Variants in CTNNA3 observed in about 807,000 individuals in gnomAD.
CTNNA3 encodes the protein catenin alpha 3.
Under a neutral mutation model 95.7 loss-of-function variants are expected in CTNNA3, and 76 were observed. That is an observed-to-expected ratio of 0.79 (90% confidence interval 0.66 to 0.96). The LOEUF (loss-of-function observed/expected upper bound fraction) is 0.96. CTNNA3 is among the 40% of genes least tolerant of loss of function. The probability of loss-of-function intolerance (pLI) is 0.00; values close to 1 mark genes in which losing one functional copy is unlikely to be tolerated. For missense variants in CTNNA3, 1,191 were observed against 1,089.8 expected (o/e 1.09, Z -1.31); for synonymous variants, 431 against 374.4 (o/e 1.15, Z -1.74).
chr10:67,702,360 G>C (rs1022059682), intron 1 of CTNNA3, among the ~76,000 whole-genome samples: 1 of 152,062 alleles, frequency 6.6e-6, no homozygotes, highest in African/African-American at 2.4e-5. Flanking sequence ...TTCAAAAATT[G>C]ACCACATAGT....
At chr10:66,881,506 T>C (rs1156368303) in intron 7 of CTNNA3, among the ~76,000 whole-genome samples, 3 of 152,118 alleles carry the variant, frequency 2.0e-5, no homozygotes, top group Non-Finnish European at 4.4e-5. Context: ...ACTCACACCA[T>C]ATAACATGAT....
At chr10:66,217,792 C>G (rs1271010898) in intron 13 of CTNNA3, among the ~76,000 whole-genome samples, 1 of 152,104 alleles carries the variant, frequency 6.6e-6, no homozygotes, top group East Asian at 1.9e-4. Flanking sequence ...TTTGGATAAA[C>G]AGTATCCATG....
intron 13 of CTNNA3, among the ~76,000 whole-genome samples, chr10:66,119,711 C>T (rs1422696860): frequency 6.6e-6 from 1 of 151,936 alleles, no homozygotes; most frequent in African/African-American, 2.4e-5. Context: ...ATTAGGTTCT[C>T]ATTCTTGTTT....
chr10:67,076,497 A>T (rs944325573), intron 7 of CTNNA3, among the ~76,000 whole-genome samples: 2 of 152,236 alleles, frequency 1.3e-5, no homozygotes, highest in African/African-American at 4.8e-5. Context: ...CCAGGACTCC[A>T]TCAGAATGCC....
intron 9 of CTNNA3, among the ~76,000 whole-genome samples, chr10:66,720,663 T>A (rs1372727865): frequency 6.6e-6 from 1 of 151,932 alleles, no homozygotes; most frequent in African/African-American, 2.4e-5. Flanking sequence ...TGAACCCCCA[T>A]CTCTACTAAA....
chr10:66,350,201 G>T (rs2132388051), intron 12 of CTNNA3, among the ~76,000 whole-genome samples: 1 of 152,094 alleles, frequency 6.6e-6, no homozygotes, highest in East Asian at 1.9e-4. Flanking sequence ...TGTCTTAATT[G>T]GCTCTTCTGT....
chr10:67,617,713 C>T (rs1843697617), intron 2 of CTNNA3, among the ~76,000 whole-genome samples: 1 of 151,936 alleles, frequency 6.6e-6, no homozygotes, highest in Admixed American at 6.6e-5. Flanking sequence ...AACTTACATT[C>T]CCACCAACAG....
At chr10:66,848,014 C>T (rs1011905448) in intron 7 of CTNNA3, among the ~76,000 whole-genome samples, 6 of 151,878 alleles carry the variant, frequency 4.0e-5, no homozygotes, top group Non-Finnish European at 7.4e-5. Flanking sequence ...GGGGAGGAAA[C>T]GAGAGTGATG....
intron 5 of CTNNA3, among the ~76,000 whole-genome samples, chr10:67,486,952 T>C (rs1384392971): frequency 1.3e-5 from 2 of 152,148 alleles, no homozygotes; most frequent in South Asian, 2.1e-4. Flanking sequence ...TAGAAAAAAA[T>C]ACAAATCTCC....
chr10:66,056,765 T>A (rs1438633932), intron 15 of CTNNA3, among the ~76,000 whole-genome samples: 1 of 152,214 alleles, frequency 6.6e-6, no homozygotes, highest in Non-Finnish European at 1.5e-5. Flanking sequence ...TTGCATATGG[T>A]TAGGAACTCC....
intron 2 of CTNNA3, among the ~76,000 whole-genome samples, chr10:67,632,220 T>C (rs534267392): frequency 2.7e-5 from 4 of 150,186 alleles, no homozygotes; most frequent in Non-Finnish European, 5.9e-5. Flanking sequence ...GTGGTAATCA[T>C]TACACATTGC....
intron 14 of CTNNA3, among the ~76,000 whole-genome samples, chr10:66,087,772 A>C (rs1017625238): frequency 6.6e-6 from 1 of 152,130 alleles, no homozygotes; most frequent in African/African-American, 2.4e-5. Context: ...CAATTCTATC[A>C]CTTTGACATC....
intron 3 of CTNNA3, among the ~76,000 whole-genome samples, chr10:67,553,919 C>T (rs1841128668): frequency 6.6e-6 from 1 of 152,140 alleles, no homozygotes; most frequent in South Asian, 2.1e-4. Flanking sequence ...TTCCCCCAAC[C>T]CCACGACAGG....
intron 5 of CTNNA3, among the ~76,000 whole-genome samples, chr10:67,501,294 A>C (rs1056753089): frequency 6.6e-6 from 1 of 151,888 alleles, no homozygotes; most frequent in Non-Finnish European, 1.5e-5. Context: ...ATTGGCCCCC[A>C]CTCTCTTCTG....
At chr10:67,155,531 G>A (rs1861272895) in intron 7 of CTNNA3, among the ~76,000 whole-genome samples, 1 of 23,218 alleles carries the variant, frequency 4.3e-5, no homozygotes, top group Non-Finnish European at 7.1e-5. Context: ...ATTAATATAT[G>A]TGTGTGTGTG....
chr10:67,641,765 C>T (rs370819214), intron 2 of CTNNA3, among the ~76,000 whole-genome samples: 2 of 152,224 alleles, frequency 1.3e-5, no homozygotes, highest in East Asian at 3.9e-4. Context: ...GGACAAAAAA[C>T]CAAACACCAC....
At chr10:66,627,297 G>A (rs1844970842) in intron 9 of CTNNA3, among the ~76,000 whole-genome samples, 2 of 152,074 alleles carry the variant, frequency 1.3e-5, no homozygotes, top group African/African-American at 4.8e-5. Flanking sequence ...CTAACCTAGT[G>A]GTGTAAAGTC....
At chr10:65,931,433 A>G (rs1258615101) in intron 17 of CTNNA3, among the ~76,000 whole-genome samples, 1 of 152,208 alleles carries the variant, frequency 6.6e-6, no homozygotes, top group Non-Finnish European at 1.5e-5. Flanking sequence ...TGCTTCATCA[A>G]CACACTGGAA....
At chr10:67,655,688 A>G (rs901937647) in intron 1 of CTNNA3, among the ~76,000 whole-genome samples, 3 of 151,656 alleles carry the variant, frequency 2.0e-5, no homozygotes, top group African/African-American at 7.3e-5. Context: ...CCAGCTACTC[A>G]GGAGGCTGAG....
Sources: gnomAD v4.1 joint callset for allele counts (sites outside exome capture counted in the v4.1 genomes callset) on GRCh38, gnomAD v4.1.1 for gene constraint, MANE v1.5 for transcripts, NCBI Gene and HGNC (gene_info 2026-07-23, HGNC 2026-07-21) for gene names.